SGO1: variants seen among roughly 807,000 people sequenced by gnomAD.
The protein encoded by SGO1 is shugoshin 1.
Under a neutral mutation model 50.5 loss-of-function variants are expected in SGO1, and 39 were observed. The ratio of observed to expected loss-of-function variants is 0.77; its 90% CI spans 0.60 to 1.01. The LOEUF is 1.01. SGO1 is among the 50% of genes least tolerant of loss of function. The pLI is 0.00. For missense variants in SGO1, 638 were observed against 606.0 expected (o/e 1.05, Z -0.55); for synonymous variants, 191 against 205.1 (o/e 0.93, Z 0.59).
At chr3:20,176,308 G>T (rs1024356280) in intron 5 of SGO1, among the ~76,000 whole-genome samples, 1 of 152,130 alleles carries the variant, frequency 6.6e-6, no homozygotes, top group African/African-American at 2.4e-5. Context: ...TGTTGTGAGG[G>T]TTAGGTGAGA....
intron 6 of SGO1, among the ~76,000 whole-genome samples, chr3:20,171,515 CTTT>C (rs1331083758): frequency 6.6e-6 from 1 of 152,052 alleles, no homozygotes; most frequent in African/African-American, 2.4e-5. Flanking sequence ...ATAATAAATT[CTTT>C]TTTTAGCTTT....
intron 6 of SGO1, 26 bp downstream of exon 6, chr3:20,174,223 T>C: frequency 6.5e-6 from 10 of 1,536,210 alleles, no homozygotes; most frequent in Non-Finnish European, 8.1e-6. Flanking sequence ...ACATTAAAAA[T>C]ACAGGTAAAC....
intron 6 of SGO1, 81 bp downstream of exon 6, chr3:20,174,168 T>C: frequency 9.2e-7 from 1 of 1,087,492 alleles, no homozygotes; most frequent in Non-Finnish European, 1.4e-6. Context: ...GAGAAACAGA[T>C]GGTAAGTATA....
chr3:20,172,239 C>T (rs935303132), intron 6 of SGO1, among the ~76,000 whole-genome samples: 5 of 152,188 alleles, frequency 3.3e-5, no homozygotes, highest in Non-Finnish European at 5.9e-5. Context: ...CGGTGGCTCA[C>T]GCCAGTAATC....
chr3:20,183,059 A>G (rs1702212178), intron 3 of SGO1, among the ~76,000 whole-genome samples: 2 of 152,052 alleles, frequency 1.3e-5, no homozygotes, highest in South Asian at 4.2e-4. Context: ...TTATGATCTT[A>G]CTTGTCTGGG....
chr3:20,173,129 T>C (rs1474382425), intron 6 of SGO1, among the ~76,000 whole-genome samples: 1 of 99,876 alleles, frequency 1.0e-5, no homozygotes, highest in Non-Finnish European at 1.7e-5. Context: ...CATTATAGCA[T>C]TTTTGCTTTT....
chr3:20,169,493 C>G lies in SGO1; in HGVS notation c.*1211G>C. 1.0e-6 allele frequency: 1 copy of G among 979,850 alleles called. No individual in the cohort carries two copies. Among genetic ancestry groups the G allele is most frequent in the South Asian group, 4.7e-5 (1 of 21,188 alleles). 60.7% of individuals were successfully genotyped at this position (979,850 alleles called of 1,614,324 possible). The stretch of plus-strand genomic sequence containing the variant: ...GAAGGAAAGCAATCACTATCTTATA[C>G]AAACTTTATTGCTCTTTAAAAATGA... On this transcript the variant is annotated 3_prime_UTR_variant, in exon 8 of 8. Transcript: ENST00000412997.
chr3:20,171,950 A>G (rs1039034160), intron 6 of SGO1, among the ~76,000 whole-genome samples: 1 of 152,240 alleles, frequency 6.6e-6, no homozygotes. Context: ...AATCTCCTCA[A>G]ATAGCTTTAA....
At chr3:20,177,415 C>T (rs1701520705) in intron 4 of SGO1, among the ~76,000 whole-genome samples, 1 of 152,168 alleles carries the variant, frequency 6.6e-6, no homozygotes. Flanking sequence ...GTGGTTACTT[C>T]TGTGGAGAAG....
downstream of SGO1, among the ~76,000 whole-genome samples, chr3:20,165,695 T>A (rs1700263036): frequency 6.6e-6 from 1 of 152,010 alleles, no homozygotes; most frequent in Admixed American, 6.5e-5. Flanking sequence ...ATACCGAAAA[T>A]AGGTGTATAC....
chr3:20,183,682 A>T lies in SGO1; in HGVS notation c.265T>A (p.Cys89Ser), dbSNP rs778280664. ...QDIILQLRKE[C>S]YYLTCQLYAL... Reference sequence around the variant, plus strand: ...TATAGCTGACATGTGAGATAGTAACATTCTTTTCTCAGCTGTAGGATGATA... The same window carrying T: ...TATAGCTGACATGTGAGATAGTAACTTTCTTTTCTCAGCTGTAGGATGATA... Residue 89 changes from cysteine (C) to serine (S), a missense_variant, in exon 3 of 8, where the codon TGT becomes AGT. Physicochemically the swap from Cys to Ser is moderately radical, Grantham distance 112 (BLOSUM62 -1). Coordinates refer to ENST00000412997, the MANE Select transcript of SGO1 (RefSeq NM_001199251.3). 1.2e-6 allele frequency: 2 copies of T among 1,612,526 alleles called. No homozygotes were observed. Among genetic ancestry groups the T allele is most frequent in the South Asian group, 2.2e-5 (2 of 90,454 alleles).
intron 3 of SGO1, among the ~76,000 whole-genome samples, chr3:20,179,129 G>C (rs1435281179): frequency 1.3e-5 from 2 of 151,826 alleles, no homozygotes; most frequent in Non-Finnish European, 2.9e-5. Context: ...ATGAGGGAGA[G>C]GAAAGCCTCT....
downstream of SGO1, among the ~76,000 whole-genome samples, chr3:20,165,563 C>A (rs1275603458): frequency 6.6e-6 from 1 of 152,064 alleles, no homozygotes; most frequent in Non-Finnish European, 1.5e-5. Flanking sequence ...AAAACTAGTA[C>A]AAAATTTCCC....
In SGO1 at chr3:20,170,584, G is replaced by T; in HGVS notation, c.*120C>A. The T allele has an allele frequency of 1.5e-6, 2 of 1,355,518 alleles. No individual in the cohort carries two copies. Among genetic ancestry groups the T allele is most frequent in the Non-Finnish European group, 9.5e-7 (1 of 1,056,740 alleles). 84.0% of individuals were successfully genotyped at this position (1,355,518 alleles called of 1,614,324 possible). On this transcript the variant is annotated 3_prime_UTR_variant, in exon 8 of 8. Transcript: ENST00000412997. ...TTCTGAAGAAATGTTTATGAGCTAG[G>T]GTCCTGTCAAGAGAATATTCTATGG...
intron 4 of SGO1, among the ~76,000 whole-genome samples, chr3:20,177,616 A>G (rs1269303214): frequency 6.6e-6 from 1 of 152,222 alleles, no homozygotes; most frequent in Non-Finnish European, 1.5e-5. Context: ...ACAGCTCTCT[A>G]CAACAAAGAA....
intron 8 of SGO1, among the ~76,000 whole-genome samples, chr3:20,164,323 GA>G (rs752970448): frequency 6.6e-6 from 1 of 151,312 alleles, no homozygotes; most frequent in Non-Finnish European, 1.5e-5. Context: ...GAATAAAGGA[GA>G]AAAAAATATC....
downstream of SGO1, chr3:20,168,918 T>C (rs1475070136): frequency 9.1e-6 from 9 of 984,552 alleles, no homozygotes; most frequent in Non-Finnish European, 8.4e-6. Flanking sequence ...CAGGTGTTAG[T>C]AGTTTCTCGT....
Position 20,174,910 on chromosome 3 carries a change from G to A in SGO1, c.621C>T (p.Ser207=). Residue 207 remains serine, a synonymous_variant, in exon 6 of 8, where the codon AGC becomes AGT. Coordinates refer to ENST00000412997, the MANE Select transcript of SGO1 (RefSeq NM_001199251.3). ...KHCNSICQFD[S]LDDFETSHLA... is the part of the protein sequence containing the mutation. ...AATGACTGGTTTCAAAATCATCCAA[G>A]CTATCAAACTGACATATACTGTTAC... 1 of 1,613,988 alleles carries A rather than the reference G, an allele frequency of 6.2e-7. No individual in the cohort carries two copies. The highest frequency in any genetic ancestry group is 8.5e-7 in the Non-Finnish European group (1 of 1,179,982).
At chr3:20,161,178 T>C (rs1229576184) in exon 9 of SGO1, 2 of 1,610,284 alleles carry the variant, frequency 1.2e-6, no homozygotes, top group Admixed American at 1.7e-5. Context: ...TTCTCGAACA[T>C]AATATAAAAT....
Sources: gnomAD v4.1 joint callset for allele counts (sites outside exome capture counted in the v4.1 genomes callset) on GRCh38, gnomAD v4.1.1 for gene constraint, MANE v1.5 for transcripts, NCBI Gene and HGNC (gene_info 2026-07-23, HGNC 2026-07-21) for gene names.